The following SYN3 variants were observed in gnomAD, a reference collection of about 807,000 sequenced individuals.
SYN3 encodes the protein synapsin-3.
In SYN3, 35 loss-of-function variants were observed where a neutral mutation model predicts 65.8. The ratio of observed to expected loss-of-function variants is 0.53; its 90% CI spans 0.41 to 0.70. SYN3 has a LOEUF of 0.70. SYN3 is among the 30% of genes least tolerant of loss of function. SYN3 has a pLI of 0.00. For synonymous variants in SYN3, 270 were observed against 292.9 expected (o/e 0.92, Z 0.80); for missense variants, 680 against 749.0 (o/e 0.91, Z 1.08).
chr22:32,811,871 A>G (rs956346874), intron 6 of SYN3, among the ~76,000 whole-genome samples: 4 of 152,204 alleles, frequency 2.6e-5, no homozygotes, highest in African/African-American at 9.6e-5. Flanking sequence ...CCCATTGATA[A>G]GCAGAGGTAG....
rs2057664106 is a variant in SYN3 at position 32,509,182 on chromosome 22, G to T, written c.*4510C>A. Among the ~76,000 whole-genome samples the T allele has an allele frequency of 6.6e-6, 1 of 152,196 alleles. No individual in the cohort carries two copies. Among genetic ancestry groups the T allele is most frequent in the Non-Finnish European group, 1.5e-5 (1 of 68,028 alleles). The stretch of plus-strand genomic sequence containing the variant: ...GCGCTGACGGGAGGAAGATCTGGAA[G>T]AACTTTTCTGTGGCTGGTAGAGCTG... On this transcript the variant is annotated 3_prime_UTR_variant, in exon 14 of 14. Transcript: ENST00000358763.
intron 6 of SYN3, among the ~76,000 whole-genome samples, chr22:32,703,848 CTATT>C (rs2060843533): frequency 1.3e-5 from 2 of 152,116 alleles, no homozygotes; most frequent in South Asian, 4.2e-4. Context: ...AACTCATAGT[CTATT>C]TATTTCAAAT....
rs760481769 is a variant in SYN3, at chr22:32,657,008, T to A, written c.712-60272A>T. Reference sequence around the variant, plus strand: ...TGGGTGGGGAGCTTCTGCCCCATTCTGGCTTGGAATTCTGGGAAGAGATCC... The same window carrying A: ...TGGGTGGGGAGCTTCTGCCCCATTCAGGCTTGGAATTCTGGGAAGAGATCC... On this transcript the variant is annotated intron_variant, in intron 6 of 13. Transcript: ENST00000358763. Among the ~76,000 whole-genome samples, 1,044 of 152,314 alleles carry A rather than the reference T, an allele frequency of 6.9e-3. 5 individuals carry two copies. The highest frequency in any genetic ancestry group is 0.012 in the Non-Finnish European group (843 of 68,022).
rs116797174 is a variant in SYN3 at position 32,933,838 on chromosome 22, C to A, written c.370-2357G>T. Among the ~76,000 whole-genome samples the A allele has an allele frequency of 5.2e-3, 798 of 152,156 alleles. 7 individuals are homozygous for A. Among genetic ancestry groups the A allele is most frequent in the African/African-American group, 0.019 (770 of 41,498 alleles). On this transcript the variant is annotated intron_variant, in intron 3 of 13. Transcript: ENST00000358763. ...GGGAATTTTAGGGACCTAAAAACAA[C>A]CCATTTAAAGAAAAAAGTTTACATT...
intron 6 of SYN3, among the ~76,000 whole-genome samples, chr22:32,705,109 T>A (rs145648235): frequency 6.6e-6 from 1 of 152,254 alleles, no homozygotes; most frequent in East Asian, 1.9e-4. Context: ...TTTGGTGTCT[T>A]CATCATGAAA....
intron 5 of SYN3, among the ~76,000 whole-genome samples, chr22:32,868,167 A>G (rs2048739764): frequency 6.6e-6 from 1 of 152,204 alleles, no homozygotes; most frequent in Admixed American, 6.5e-5. Flanking sequence ...TAAGTGCTCA[A>G]TAAATGGAGT....
At chr22:33,043,504 C>T (rs369723965) in intron 1 of SYN3, among the ~76,000 whole-genome samples, 5 of 151,970 alleles carry the variant, frequency 3.3e-5, no homozygotes, top group East Asian at 1.9e-4. Flanking sequence ...GCTGAGATCA[C>T]GCCATTGCAC....
At chr22:32,849,846 C>T (rs146920854) in intron 6 of SYN3, among the ~76,000 whole-genome samples, 69 of 152,268 alleles carry the variant, frequency 4.5e-4, no homozygotes, top group Non-Finnish European at 8.1e-4. Flanking sequence ...GGTCAAGTCA[C>T]TGCCCCTCTC....
At chr22:32,944,763 T>G (rs1180654454) in intron 3 of SYN3, among the ~76,000 whole-genome samples, 1 of 152,210 alleles carries the variant, frequency 6.6e-6, no homozygotes, top group Non-Finnish European at 1.5e-5. Flanking sequence ...TGTCCCTGTT[T>G]GCAGATGACA....
intron 6 of SYN3, among the ~76,000 whole-genome samples, chr22:32,618,014 T>A (rs1417345467): frequency 6.6e-6 from 1 of 152,126 alleles, no homozygotes; most frequent in Non-Finnish European, 1.5e-5. Flanking sequence ...AGTGACTCTC[T>A]CTCTGGCTAG....
chr22:32,839,494 C>T (rs906028288), intron 6 of SYN3, among the ~76,000 whole-genome samples: 1 of 152,106 alleles, frequency 6.6e-6, no homozygotes, highest in Non-Finnish European at 1.5e-5. Context: ...CACCATCACC[C>T]TTCTGAGATT....
At chr22:32,578,007 C>G (rs1194651322) in intron 7 of SYN3, among the ~76,000 whole-genome samples, 2 of 152,250 alleles carry the variant, frequency 1.3e-5, no homozygotes, top group East Asian at 3.8e-4. Context: ...AGCATGTAAG[C>G]TGCATGGGGC....
intron 6 of SYN3, among the ~76,000 whole-genome samples, chr22:32,778,602 T>G (rs2045962892): frequency 6.6e-6 from 1 of 152,144 alleles, no homozygotes; most frequent in Non-Finnish European, 1.5e-5. Flanking sequence ...AAGACTGCAT[T>G]TTTTTAATCT....
At chr22:32,636,334 G>A (rs1431968221) in intron 6 of SYN3, among the ~76,000 whole-genome samples, 3 of 151,730 alleles carry the variant, frequency 2.0e-5, no homozygotes, top group South Asian at 2.1e-4. Context: ...CCCGGGAGGC[G>A]GAGCTTGCAG....
At chr22:32,628,449 C>A (rs2059700153) in intron 6 of SYN3, among the ~76,000 whole-genome samples, 1 of 152,140 alleles carries the variant, frequency 6.6e-6, no homozygotes, top group African/African-American at 2.4e-5. Flanking sequence ...CCTGCTCCTG[C>A]CTGGGGATTT....
chr22:32,569,561 C>CTATATATATATATATA (rs1458371419), intron 7 of SYN3, among the ~76,000 whole-genome samples: 4 of 51,744 alleles, frequency 7.7e-5, no homozygotes, highest in Non-Finnish European at 1.2e-4. Flanking sequence ...CTCTCTCTCT[C>CTATATATATATATATA]TCTCTCTCTC....
chr22:33,055,381 T>G (rs2054238310), intron 1 of SYN3, among the ~76,000 whole-genome samples: 1 of 152,236 alleles, frequency 6.6e-6, no homozygotes, highest in African/African-American at 2.4e-5. Flanking sequence ...CTCGCGGTCT[T>G]TGAATAAGCT....
At chr22:32,656,923 T>A (rs2060148929) in intron 6 of SYN3, among the ~76,000 whole-genome samples, 1 of 151,868 alleles carries the variant, frequency 6.6e-6, no homozygotes, top group Non-Finnish European at 1.5e-5. Flanking sequence ...GTCCATGAGG[T>A]CTCTGAGCTG....
At chr22:33,040,408 G>A (rs772904690) in intron 1 of SYN3, among the ~76,000 whole-genome samples, 7 of 152,150 alleles carry the variant, frequency 4.6e-5, no homozygotes, top group African/African-American at 7.2e-5. Flanking sequence ...CATGCATCAT[G>A]CCTTTCATGG....
Sources: gnomAD v4.1 joint callset for allele counts (sites outside exome capture counted in the v4.1 genomes callset) on GRCh38, gnomAD v4.1.1 for gene constraint, MANE v1.5 for transcripts, NCBI Gene and HGNC (gene_info 2026-07-23, HGNC 2026-07-21) for gene names.